The following MPP7 variants were observed in gnomAD, a reference collection of about 807,000 sequenced individuals.
The protein encoded by MPP7 is MAGUK p55 scaffold protein 7.
MPP7 carries 60 observed loss-of-function variants against 76.5 expected under a neutral mutation model. The observed-to-expected ratio is 0.78, with a 90% CI of 0.64 to 0.97. The LOEUF is 0.97. Among genes scored for constraint, MPP7 ranks in the 50% least tolerant of loss-of-function variants. MPP7 has a pLI of 0.00. For missense variants in MPP7, 641 were observed against 694.0 expected (o/e 0.92, Z 0.86); for synonymous variants, 237 against 244.5 (o/e 0.97, Z 0.29).
chr10:28,145,159 C>T lies in MPP7; in HGVS notation c.315+2324G>A, dbSNP rs528095905. ...CGAACTTCTGACCTCGTGATCCGCC[C>T]GTCACGGCCTCCCAAAGTGCTGGGA... On this transcript the variant is annotated intron_variant, in intron 5 of 16. Coordinates refer to ENST00000683449, the MANE Select transcript of MPP7 (RefSeq NM_001318170.2). Among the ~76,000 whole-genome samples, 750 of 152,194 alleles carry T rather than the reference C, an allele frequency of 4.9e-3. 7 individuals carry two copies. The highest frequency in any genetic ancestry group is 0.017 in the African/African-American group (722 of 41,524).
chr10:28,268,361 T>A (rs79114475), intron 1 of MPP7, among the ~76,000 whole-genome samples: 197 of 152,352 alleles, frequency 1.3e-3, no homozygotes, highest in Non-Finnish European at 2.4e-3. Flanking sequence ...AGGCAAAGGT[T>A]ACATCATAGA....
chr10:28,113,226 G>A (rs1377050162), intron 11 of MPP7, among the ~76,000 whole-genome samples: 1 of 152,096 alleles, frequency 6.6e-6, no homozygotes, highest in Admixed American at 6.6e-5. Flanking sequence ...GTAATGTCCT[G>A]GACCCCAGTG....
intron 2 of MPP7, 79 bp downstream of exon 2, chr10:28,238,489 C>T: frequency 6.8e-7 from 1 of 1,468,920 alleles, no homozygotes; most frequent in Non-Finnish European, 9.5e-7. Flanking sequence ...CCTGCATTTG[C>T]TTAAAGCATG....
chr10:28,322,414 ACT>A (rs1306600583), intron 2 of MPP7, among the ~76,000 whole-genome samples: 5 of 152,172 alleles, frequency 3.3e-5, no homozygotes, highest in South Asian at 4.1e-4. Flanking sequence ...AAAGCTCATG[ACT>A]CTGGAAGGAT....
At chr10:28,064,897 T>C (rs1304488986) in intron 13 of MPP7, among the ~76,000 whole-genome samples, 1 of 152,184 alleles carries the variant, frequency 6.6e-6, no homozygotes, top group East Asian at 1.9e-4. Context: ...TTGTACTCTA[T>C]CACAAACACT....
At chr10:28,190,239 C>T (rs998096701) in intron 3 of MPP7, among the ~76,000 whole-genome samples, 4 of 151,964 alleles carry the variant, frequency 2.6e-5, no homozygotes, top group Admixed American at 6.6e-5. Context: ...CTTCAACACC[C>T]GCTATCAGTC....
intron 5 of MPP7, among the ~76,000 whole-genome samples, chr10:28,132,825 C>T (rs1319413786): frequency 7.6e-6 from 1 of 130,966 alleles, no homozygotes; most frequent in African/African-American, 2.6e-5. Flanking sequence ...GTCTTGAACT[C>T]CTGACCTCAT....
chr10:28,255,103 T>A (rs1332931613), intron 1 of MPP7, among the ~76,000 whole-genome samples: 2 of 152,194 alleles, frequency 1.3e-5, no homozygotes, highest in African/African-American at 4.8e-5. Context: ...GCAAACATAC[T>A]TTGAAAAAAC....
chr10:28,120,753 G>A, intron 8 of MPP7, 85 bp from the exon 9 acceptor site: 3 of 1,044,792 alleles, frequency 2.9e-6, no homozygotes, highest in Middle Eastern at 2.0e-4. Context: ...AAATGCATCT[G>A]AAAATTTACA....
intron 3 of MPP7, among the ~76,000 whole-genome samples, chr10:28,177,683 C>T (rs1836921253): frequency 6.6e-6 from 1 of 152,046 alleles, no homozygotes; most frequent in African/African-American, 2.4e-5. Flanking sequence ...CTAAGTTGCA[C>T]TAAGATGATT....
chr10:28,193,400 G>A (rs1300082918), intron 3 of MPP7, among the ~76,000 whole-genome samples: 1 of 151,992 alleles, frequency 6.6e-6, no homozygotes, highest in African/African-American at 2.4e-5. Context: ...TTTTAGTGGA[G>A]ACGGGGTTTC....
At chr10:28,223,926 T>C (rs1402759979) in intron 2 of MPP7, among the ~76,000 whole-genome samples, 4 of 151,368 alleles carry the variant, frequency 2.6e-5, no homozygotes, top group African/African-American at 9.7e-5. Flanking sequence ...CCAGGTGCGG[T>C]GGCTCACACC....
At chr10:28,287,722 G>A (rs1482342172) in intron 1 of MPP7, among the ~76,000 whole-genome samples, 2 of 152,080 alleles carry the variant, frequency 1.3e-5, no homozygotes, top group East Asian at 1.9e-4. Flanking sequence ...AGAGATGACC[G>A]CTGATTTCAA....
intron 6 of MPP7, among the ~76,000 whole-genome samples, chr10:28,125,829 C>T (rs1458618693): frequency 6.6e-6 from 1 of 152,118 alleles, no homozygotes; most frequent in Non-Finnish European, 1.5e-5. Flanking sequence ...AAATTCTTCA[C>T]TTACAGATAC....
At chr10:28,175,275 G>T (rs1327080076) in intron 3 of MPP7, among the ~76,000 whole-genome samples, 1 of 151,372 alleles carries the variant, frequency 6.6e-6, no homozygotes, top group African/African-American at 2.4e-5. Flanking sequence ...GGGTAACAGA[G>T]TGAGATGTCG....
intron 6 of MPP7, among the ~76,000 whole-genome samples, chr10:28,127,907 T>A (rs1476691523): frequency 6.6e-6 from 1 of 151,942 alleles, no homozygotes; most frequent in East Asian, 1.9e-4. Flanking sequence ...GGTGAAGAAG[T>A]TAGCCAATGG....
At chr10:28,154,197 C>T (rs1046708268) in intron 3 of MPP7, among the ~76,000 whole-genome samples, 3 of 152,176 alleles carry the variant, frequency 2.0e-5, no homozygotes, top group African/African-American at 7.2e-5. Context: ...AGCAGACTTT[C>T]TTTTGTTCCT....
chr10:28,202,207 G>A lies in MPP7; in HGVS notation c.102C>T (p.Asp34=), dbSNP rs1233706003. 1 of 1,613,766 alleles carries A rather than the reference G, an allele frequency of 6.2e-7. No individual in the cohort carries two copies. The highest frequency in any genetic ancestry group is 1.1e-5 in the South Asian group (1 of 91,044). The change falls in exon 3 of 17, where the codon GAC becomes GAT. Residue 34 remains aspartate, a synonymous_variant. Transcript: ENST00000683449. The part of the protein sequence containing the change: ...QLQPHVDSQE[D]LTFLWDMFGE... ...CAAACATATCCCAGAGGAAGGTCAG[G>A]TCTTCCTGGCTATCCACATGTGGCT...
At chr10:28,241,581 C>A (rs1426250544) in intron 1 of MPP7, among the ~76,000 whole-genome samples, 2 of 152,042 alleles carry the variant, frequency 1.3e-5, no homozygotes, top group African/African-American at 4.8e-5. Flanking sequence ...CGGAACGCAG[C>A]CATAATTATT....
Sources: allele counts gnomAD v4.1 joint callset (sites outside exome capture counted in the v4.1 genomes callset), GRCh38; gene constraint gnomAD v4.1.1; transcripts MANE v1.5; gene names NCBI Gene and HGNC (gene_info 2026-07-23, HGNC 2026-07-21).